Variants in MUC4 observed in about 807,000 individuals in gnomAD.
MUC4 encodes the protein mucin-4.
A neutral mutation model predicts 257.9 loss-of-function variants in MUC4; 202 were observed. That is an observed-to-expected ratio of 0.78 (90% CI 0.70 to 0.88). The LOEUF (loss-of-function observed/expected upper bound fraction) is 0.88. Among genes scored for constraint, MUC4 ranks in the 40% least tolerant of loss-of-function variants. MUC4 has a pLI of 0.00. For synonymous variants in MUC4, 2,351 were observed against 2,757.1 expected (o/e 0.85, Z 4.62); for missense variants, 5,976 against 6,513.7 (o/e 0.92, Z 2.84).
At position 195,810,983 on chromosome 3, in the gene MUC4, A is replaced by G. The variant is rs1019846650; in HGVS notation, c.82+753T>C. Among the ~76,000 whole-genome samples the G allele has an allele frequency of 3.3e-5, 5 of 151,368 alleles. No homozygotes were observed. The highest frequency in any genetic ancestry group is 1.3e-4 in the Admixed American group (2 of 15,194). On this transcript the variant is annotated intron_variant, in intron 1 of 24. Coordinates refer to ENST00000463781, the MANE Select transcript of MUC4 (RefSeq NM_018406.7). The surrounding 1 kb of genome is among the most constrained non-coding windows in gnomAD (Gnocchi z 4.2). ...GAGTAAGCCTGGGCTCTCACCATGG[A>G]TCCTTCCAGACATCGCCGGGCTGCT...
At chr3:195,800,861 C>G (rs935798976) in intron 1 of MUC4, among the ~76,000 whole-genome samples, 1 of 145,882 alleles carries the variant, frequency 6.9e-6, no homozygotes, top group Non-Finnish European at 1.5e-5. Context: ...TTGAGACCAG[C>G]CTGGGCAATA....
Position 195,778,735 on chromosome 3 carries a change from G to C in MUC4, c.12790+55C>G, listed in dbSNP as rs1725649412. ...AGTGTTCTCAGGTACTCCTTAGGCT[G>C]AATTCCGCCAAGGGGCCCACTGGGA... On this transcript the variant is annotated intron_variant, in intron 2 of 24. Coordinates refer to ENST00000463781, the MANE Select transcript of MUC4 (RefSeq NM_018406.7). 4.6e-6 allele frequency: 7 copies of C among 1,520,174 alleles called. No homozygotes were observed. The East Asian group carries it at 9.4e-5, about 20-fold the overall frequency. The allele number at this position is 1,520,174 out of a possible 1,614,324, so 94.2% of individuals were successfully genotyped here.
rs1560348398 is a variant in MUC4 at position 195,783,894 on chromosome 3, A to AGT, written c.7685_7686insAC (p.Val2563LeufsTer442). 2 of 1,510,106 alleles carry AGT rather than the reference A, an allele frequency of 1.3e-6. No homozygotes were observed. Among genetic ancestry groups the AGT allele is most frequent in the Admixed American group, 4.1e-5 (2 of 49,092 alleles). 93.5% of individuals were successfully genotyped at this position (1,510,106 alleles called of 1,614,324 possible). On this transcript the variant is annotated frameshift_variant, in exon 2 of 25. Coordinates refer to ENST00000463781, the MANE Select transcript of MUC4 (RefSeq NM_018406.7). LOFTEE classifies it high-confidence loss of function. ...TGGATGCTGCGGAAGTGTCGGTGAC[A>AGT]GGAAGAGAGGTGGCGTGACCTGTGG...
chr3:195,801,612 C>T (rs899768542), intron 1 of MUC4, among the ~76,000 whole-genome samples: 6 of 152,120 alleles, frequency 3.9e-5, no homozygotes, highest in African/African-American at 1.4e-4. Context: ...GCATGAAAGC[C>T]GGGCTTCCCC....
At position 195,790,737 on chromosome 3, in the gene MUC4, T is replaced by C. The variant is rs756429917; in HGVS notation, c.843A>G (p.Ser281=). The stretch of plus-strand genomic sequence containing the variant: ...TAAGACTTCCAGTAACAGGTACTGA[T>C]GATGTCTCCCCTGGGTTTCCAAGAG... ...GSTLGNPGET[S]SVPVTGSLMP... The change falls in exon 2 of 25, where the codon TCA becomes TCG. Residue 281 remains serine, a synonymous_variant. Coordinates refer to ENST00000463781, the MANE Select transcript of MUC4 (RefSeq NM_018406.7). 6.2e-7 allele frequency: 1 copy of C among 1,614,010 alleles called. No homozygotes were observed.
In MUC4 at chr3:195,789,350, C is replaced by G. The variant is rs1733554948; in HGVS notation, c.2230G>C (p.Val744Leu). Reference sequence around the variant, plus strand: ...TCTGGGCCCCCTGGTGTTGACACTACAGAGTTGGCCAGAGTAAGGGCACCT... The same window carrying G: ...TCTGGGCCCCCTGGTGTTGACACTAGAGAGTTGGCCAGAGTAAGGGCACCT... Reference protein sequence around the residue: ...KTGALTLANSVVSTPGGPEGQ... With the variant: ...KTGALTLANSLVSTPGGPEGQ... Residue 744 changes from valine (V) to leucine (L), a missense_variant, in exon 2 of 25, where the codon GTA (valine) becomes CTA (leucine). Around this residue, in one of 44 missense-constraint regions of MUC4, gnomAD observed 1,583 missense variants for 1,257.4 expected, o/e 1.26. Coordinates refer to ENST00000463781, the MANE Select transcript of MUC4 (RefSeq NM_018406.7). 1.2e-6 allele frequency: 2 copies of G among 1,613,794 alleles called. No individual in the cohort carries two copies. Among genetic ancestry groups the G allele is most frequent in the African/African-American group, 1.3e-5 (1 of 74,876 alleles).
At chr3:195,774,151 C>T (rs764614090) in intron 4 of MUC4, 21 bp downstream of exon 4, 35 of 1,588,162 alleles carry the variant, frequency 2.2e-5, no homozygotes, top group East Asian at 4.7e-5. Flanking sequence ...TCAGGCTGCG[C>T]GGGCCGCAGC....
chr3:195,752,606 GA>G (rs776299058), intron 20 of MUC4, 160 bp from the exon 21 acceptor site: 8 of 623,738 alleles, frequency 1.3e-5, no homozygotes, highest in Non-Finnish European at 2.0e-5. Context: ...CACAGTGACA[GA>G]AGGTCGCTGA....
At chr3:195,811,143 TTATATTTATTTATTTATTTATTTA>T (rs1371192060) in intron 1 of MUC4, among the ~76,000 whole-genome samples, 7 of 135,728 alleles carry the variant, frequency 5.2e-5, no homozygotes, top group Non-Finnish European at 9.4e-5. Flanking sequence ...TTATTTTATT[TTATATTTATTTATTTATTTATTTA>T]TTTATTTATT....
intron 19 of MUC4, chr3:195,753,689 G>A (rs1223726501): frequency 4.8e-6 from 1 of 207,346 alleles, no homozygotes; most frequent in Non-Finnish European, 9.4e-6. Context: ...TCAGACTCTG[G>A]TGACTCAGAG....
Position 195,765,326 on chromosome 3 carries a change from C to A in MUC4, c.13742G>T (p.Cys4581Phe). The change falls in exon 9 of 25, where the codon TGC becomes TTC. Residue 4581 changes from cysteine (C) to phenylalanine (F), a missense_variant. Cys to Phe is a radical substitution (Grantham distance 205, BLOSUM62 -2). This residue lies in a region of MUC4 where 996 missense variants were observed against 1,137.3 expected (regional missense o/e 0.88). Coordinates refer to ENST00000463781, the MANE Select transcript of MUC4 (RefSeq NM_018406.7). ...WPSWGWNQVS[C>F]PCSWQQGRRD... Reference sequence around the variant, plus strand: ...TCGTCCCTGCTGCCAGGAACAAGGGCAGGAGACCTGGTTCCAGCCCCAGCT... The same window carrying A: ...TCGTCCCTGCTGCCAGGAACAAGGGAAGGAGACCTGGTTCCAGCCCCAGCT... The A allele has an allele frequency of 3.1e-6, 5 of 1,613,856 alleles. No homozygotes were observed. Among genetic ancestry groups the A allele is most frequent in the Non-Finnish European group, 4.2e-6 (5 of 1,179,994 alleles).
At chr3:195,756,940 C>T (rs570342644) in intron 18 of MUC4, among the ~76,000 whole-genome samples, 1 of 152,280 alleles carries the variant, frequency 6.6e-6, no homozygotes, top group East Asian at 1.9e-4. Context: ...AGATTAAAGG[C>T]GTGAGCCACT....
rs1257302289 is a variant in MUC4, at chr3:195,781,899, T to A, written c.9681A>T (p.Thr3227=). ...TGACAGGAAGAGGCGTGGTGTCACC[T>A]GTGGATACTGAGGAAAGGCTGGTGA... ...LPVTSLSSVS[T]GDTTPLPVTS... The change falls in exon 2 of 25, where the codon ACA becomes ACT. Residue 3227 remains threonine (T), a synonymous_variant. Transcript: ENST00000463781. The A allele has an allele frequency of 5.2e-6, 4 of 765,854 alleles. No homozygotes were observed. The South Asian group carries it at 6.9e-5, about 13-fold the overall frequency. 47.4% of individuals were successfully genotyped at this position (765,854 alleles called of 1,614,324 possible).
rs753499011 is a variant in MUC4, at chr3:195,790,864, G to A, written c.716C>T (p.Thr239Ile). The change falls in exon 2 of 25, where the codon ACA becomes ATA. Residue 239 changes from threonine (T) to isoleucine (I), a missense_variant. Thr to Ile is a moderately conservative substitution (Grantham distance 89, BLOSUM62 -1). Coordinates refer to ENST00000463781, the MANE Select transcript of MUC4 (RefSeq NM_018406.7). The stretch of plus-strand genomic sequence containing the variant: ...GGTAGCTGTTTCACCTGAAGGAGAT[G>A]TCTTCTGAGAAACAGTCCCTGTCAC... ...HNVTGTVSQK[T>I]SPSGETATSS... is the part of the protein sequence containing the mutation. 1.2e-6 allele frequency: 2 copies of A among 1,614,004 alleles called. No individual in the cohort carries two copies. The highest frequency in any genetic ancestry group is 2.2e-5 in the South Asian group (2 of 91,086).
chr3:195,757,444 A>C lies in MUC4; in HGVS notation c.14987-116T>G. On this transcript the variant is annotated intron_variant, in intron 17 of 24. Transcript: ENST00000463781. The surrounding 1 kb of genome is among the most constrained non-coding windows in gnomAD (Gnocchi z 4.8). ...AGGCCACCCTCCCCCTCCCCAGACA[A>C]ATCTCATTGGTCATTTCCTTTGAGC... 1.1e-6 allele frequency: 1 copy of C among 938,120 alleles called. No homozygotes were observed. Among genetic ancestry groups the C allele is most frequent in the Non-Finnish European group, 1.6e-6 (1 of 631,256 alleles). 58.1% of individuals were successfully genotyped at this position (938,120 alleles called of 1,614,324 possible).
rs1722940464 is a variant in MUC4 at position 195,771,806 on chromosome 3, T to C, written c.13088A>G (p.Asn4363Ser). 6.2e-7 allele frequency: 1 copy of C among 1,613,692 alleles called. No individual in the cohort carries two copies. The highest frequency in any genetic ancestry group is 1.3e-5 in the African/African-American group (1 of 74,900). Residue 4363 changes from asparagine (N) to serine (S), a missense_variant, in exon 5 of 25, where the codon AAT becomes AGT. Physicochemically the swap from Asn to Ser is conservative, Grantham distance 46 (BLOSUM62 1). This residue lies in a region of MUC4 where 996 missense variants were observed against 1,137.3 expected (regional missense o/e 0.88). Transcript: ENST00000463781. Reference protein sequence around the residue: ...SLRDSLYFTDNGQIIFPESDY... With the variant: ...SLRDSLYFTDSGQIIFPESDY... ...TGACTCTGGGAAGATGATCTGGCCA[T>C]TGTCTGTGAACTGAGCACATGGGTT...
At chr3:195,751,308 G>T in intron 21 of MUC4, 37 bp from the exon 22 acceptor site, 4 of 1,496,402 alleles carry the variant, frequency 2.7e-6, no homozygotes, top group South Asian at 2.4e-5. Flanking sequence ...TGGGGGTGAG[G>T]CCCCATCCGG....
At chr3:195,767,907 TCACCATCGC>T (rs1387174786) in intron 7 of MUC4, among the ~76,000 whole-genome samples, 1 of 63,256 alleles carries the variant, frequency 1.6e-5, no homozygotes, top group Admixed American at 1.4e-4. Flanking sequence ...ATCACCACCA[TCACCATCGC>T]CACTGCCACC....
chr3:195,761,592 G>T lies in MUC4; in HGVS notation c.14513-7C>A. On this transcript the variant is annotated splice_polypyrimidine_tract_variant and splice_region_variant and intron_variant, in intron 14 of 24. Coordinates refer to ENST00000463781, the MANE Select transcript of MUC4 (RefSeq NM_018406.7). ...GGATTGTTATTCCAGACCCCTGAGGGACAGAGTGGGAGGTTGGCCACCCTG... is the reference window on the plus strand; with the variant it reads ...GGATTGTTATTCCAGACCCCTGAGGTACAGAGTGGGAGGTTGGCCACCCTG... 6.2e-7 allele frequency: 1 copy of T among 1,610,904 alleles called. No homozygotes were observed. The highest frequency in any genetic ancestry group is 8.5e-7 in the Non-Finnish European group (1 of 1,177,170).
Sources: gnomAD v4.1 joint callset for allele counts (sites outside exome capture counted in the v4.1 genomes callset) on GRCh38, gnomAD v4.1.1 for gene constraint, gnomAD v4.1.1 regional missense constraint, Gnocchi (gnomAD v3.1) non-coding constraint, MANE v1.5 for transcripts, NCBI Gene and HGNC (gene_info 2026-07-23, HGNC 2026-07-21) for gene names.